CYP2C19: variants seen among roughly 807,000 people sequenced by gnomAD.
The protein encoded by CYP2C19 is cytochrome P450 2C19.
Under a neutral mutation model 40.9 loss-of-function variants are expected in CYP2C19, and 59 were observed. The observed-to-expected ratio is 1.44, with a 90% CI of 1.17 to 1.79. The LOEUF (loss-of-function observed/expected upper bound fraction) is 1.79. CYP2C19 is among the 40% of genes most tolerant of loss of function. The pLI is 0.00. For synonymous variants in CYP2C19, 253 were observed against 208.7 expected, an observed-to-expected ratio of 1.21 and a Z score of -1.83; for missense variants, 754 against 596.9, an observed-to-expected ratio of 1.26 and a Z score of -2.74.
At chr10:94,792,614 G>A (rs917250571) in intron 5 of CYP2C19, among the ~76,000 whole-genome samples, 3 of 152,112 alleles carry the variant, frequency 2.0e-5, no homozygotes, top group Non-Finnish European at 4.4e-5. Context: ...CGTTTATGAA[G>A]CTTAATTTGG....
chr10:94,792,025 T>A (rs1848611448), intron 5 of CYP2C19, among the ~76,000 whole-genome samples: 1 of 152,168 alleles, frequency 6.6e-6, no homozygotes, highest in African/African-American at 2.4e-5. Flanking sequence ...TCTAAGGACC[T>A]GTTTTATGAA....
At chr10:94,788,461 T>C (rs1440322044) in intron 5 of CYP2C19, among the ~76,000 whole-genome samples, 1 of 152,134 alleles carries the variant, frequency 6.6e-6, no homozygotes, top group African/African-American at 2.4e-5. Context: ...TTTTGCTACA[T>C]AGGTATATAC....
intron 6 of CYP2C19, among the ~76,000 whole-genome samples, chr10:94,839,871 T>G (rs1849465374): frequency 6.6e-6 from 1 of 152,216 alleles, no homozygotes; most frequent in Admixed American, 6.5e-5. Context: ...AAATCCCTGT[T>G]AGGGAATCTG....
At chr10:94,811,927 G>T (rs1328726864) in intron 5 of CYP2C19, among the ~76,000 whole-genome samples, 7 of 150,450 alleles carry the variant, frequency 4.7e-5, no homozygotes, top group African/African-American at 1.7e-4. Context: ...GATGCTAGCT[G>T]ATTATTTTGC....
intron 7 of CYP2C19, among the ~76,000 whole-genome samples, chr10:94,843,539 T>C (rs1849526815): frequency 6.6e-6 from 1 of 152,224 alleles, no homozygotes; most frequent in African/African-American, 2.4e-5. Context: ...TGTTATAAAC[T>C]TACAAAATGC....
At chr10:94,774,821 G>T (rs1164102620) in intron 1 of CYP2C19, 2 of 528,782 alleles carry the variant, frequency 3.8e-6, no homozygotes, top group East Asian at 6.4e-5. Context: ...ATATGTTGGT[G>T]TGAGGGTTAA....
intron 5 of CYP2C19, among the ~76,000 whole-genome samples, chr10:94,816,245 T>G (rs562604463): frequency 5.1e-4 from 71 of 140,144 alleles, no homozygotes; most frequent in Admixed American, 8.3e-4. Flanking sequence ...TTTTTCTTTC[T>G]TTTTTTTTTT....
chr10:94,822,251 A>T (rs1374947436), intron 6 of CYP2C19, among the ~76,000 whole-genome samples: 4 of 152,120 alleles, frequency 2.6e-5, no homozygotes, highest in African/African-American at 9.7e-5. Context: ...TCAATTCCAC[A>T]TGACTGGAAA....
At chr10:94,767,481 A>G (rs567913456) in intron 1 of CYP2C19, among the ~76,000 whole-genome samples, 1 of 152,196 alleles carries the variant, frequency 6.6e-6, no homozygotes, top group Admixed American at 6.5e-5. Flanking sequence ...AGGTATCAAC[A>G]CAGACCAACA....
rs35709381 is a variant in CYP2C19, at chr10:94,854,968, G to T, written c.*2054G>T. Among the ~76,000 whole-genome samples, 26,774 of 152,126 alleles carry T rather than the reference G, an allele frequency of 0.18. 2,601 individuals carry two copies. Among genetic ancestry groups the T allele is most frequent in the South Asian group, 0.33 (1,595 of 4,816 alleles). On this transcript the variant is annotated 3_prime_UTR_variant, in exon 9 of 9. Transcript: ENST00000371321. ...GTATTAATGTAGTGTTAGTAGAGGT[G>T]TTGACAAACACCCATGGGTGAGATA... is the stretch of plus-strand genomic sequence containing the variant.
intron 6 of CYP2C19, among the ~76,000 whole-genome samples, chr10:94,829,947 G>T (rs952696267): frequency 6.6e-6 from 1 of 152,194 alleles, no homozygotes; most frequent in African/African-American, 2.4e-5. Context: ...GCTGGGGATT[G>T]CCTCCCAGTT....
chr10:94,820,445 C>G (rs4417205), intron 5 of CYP2C19, 51 bp from the exon 6 acceptor site: 263,887 of 1,600,518 alleles, frequency 0.16, 24,130 homozygotes, highest in South Asian at 0.32. Flanking sequence ...TTACTGTCAT[C>G]AAATATGCTG....
rs12769205 is a variant in CYP2C19 at position 94,775,367 on chromosome 10, A to G, written c.332-23A>G. ...CTTTCTTGCCTGGGATCTCCCTCCT[A>G]GTTTCGTTTCTCTTCCTGTTAGGAA... On this transcript the variant is annotated intron_variant, in intron 2 of 8. Coordinates refer to ENST00000371321, the MANE Select transcript of CYP2C19 (RefSeq NM_000769.4). 266,140 of 1,612,890 alleles carry G rather than the reference A, an allele frequency of 0.17. 24,492 individuals carry two copies. The highest frequency in any genetic ancestry group is 0.32 in the South Asian group (29,493 of 91,016).
intron 5 of CYP2C19, among the ~76,000 whole-genome samples, chr10:94,795,888 C>T (rs1363728990): frequency 6.6e-6 from 1 of 151,942 alleles, no homozygotes; most frequent in African/African-American, 2.4e-5. Flanking sequence ...TTTGTAGATT[C>T]TTGATATTAG....
At chr10:94,802,606 G>A (rs1848782297) in intron 5 of CYP2C19, among the ~76,000 whole-genome samples, 1 of 152,092 alleles carries the variant, frequency 6.6e-6, no homozygotes, top group South Asian at 2.1e-4. Context: ...ATTGTTATGT[G>A]TGAATTTGAT....
At chr10:94,805,182 C>T (rs1319618698) in intron 5 of CYP2C19, among the ~76,000 whole-genome samples, 2 of 151,652 alleles carry the variant, frequency 1.3e-5, no homozygotes, top group South Asian at 2.1e-4. Context: ...ATTTAGTATG[C>T]CTTAGCTTTG....
intron 6 of CYP2C19, among the ~76,000 whole-genome samples, chr10:94,841,313 G>A (rs186250809): frequency 1.3e-5 from 2 of 152,314 alleles, no homozygotes; most frequent in East Asian, 3.9e-4. Context: ...AATGGCAATG[G>A]GACCCTCACT....
Position 94,762,774 on chromosome 10 carries a change from C to G in CYP2C19, c.69C>G (p.Ser23Arg), listed in dbSNP as rs1321377551. Residue 23 changes from serine (S) to arginine (R), a missense_variant, in exon 1 of 9, where the codon AGC (serine) becomes AGG (arginine). By Grantham distance (110) the Ser-to-Arg change is moderately radical. Transcript: ENST00000371321. Reference protein sequence around the residue: ...CLLLLSIWRQSSGRGKLPPGP... With the variant: ...CLLLLSIWRQRSGRGKLPPGP... ...TTCTCCTTTCAATCTGGAGACAGAG[C>G]TCTGGGAGAGGAAAACTCCCTCCTG... is the stretch of plus-strand genomic sequence containing the variant. The G allele has an allele frequency of 1.2e-6, 2 of 1,613,798 alleles. No homozygotes were observed. The highest frequency in any genetic ancestry group is 2.7e-5 in the African/African-American group (2 of 74,896).
At chr10:94,783,875 T>A (rs1051823499) in intron 5 of CYP2C19, among the ~76,000 whole-genome samples, 1 of 152,174 alleles carries the variant, frequency 6.6e-6, no homozygotes, top group Non-Finnish European at 1.5e-5. Context: ...ATTAAATCTG[T>A]AGAACAGGGA....
Sources: allele counts gnomAD v4.1 joint callset (sites outside exome capture counted in the v4.1 genomes callset), GRCh38; gene constraint gnomAD v4.1.1; transcripts MANE v1.5; gene names NCBI Gene and HGNC (gene_info 2026-07-23, HGNC 2026-07-21).